The following DMD variants were observed in gnomAD, a reference collection of about 807,000 sequenced individuals.
The protein encoded by DMD is mutant dystrophin.
Under a neutral mutation model 330.1 loss-of-function variants are expected in DMD, and 63 were observed. The ratio of observed to expected loss-of-function variants is 0.19; its 90% CI spans 0.16 to 0.24. The LOEUF (loss-of-function observed/expected upper bound fraction) is 0.24. Among genes scored for constraint, DMD ranks in the 10% least tolerant of loss-of-function variants. The pLI is 1.00. For missense variants in DMD, 3,344 were observed against 2,684.1 expected, an observed-to-expected ratio of 1.25 and a Z score of -5.43; for synonymous variants, 1,223 against 959.8, an observed-to-expected ratio of 1.27 and a Z score of -5.07.
At chrX:32,416,150 T>A (rs1429316559) in intron 29 of DMD, among the ~76,000 whole-genome samples, 1 of 112,225 alleles carries the variant, frequency 8.9e-6, no homozygotes, top group Non-Finnish European at 1.9e-5. Context: ...ATTTAACATA[T>A]GAATGCATGC....
chrX:31,396,947 A>T (rs2060974957), intron 60 of DMD, among the ~76,000 whole-genome samples: 1 of 111,541 alleles, frequency 9.0e-6, no homozygotes, highest in Non-Finnish European at 1.9e-5. Context: ...AAAGGCAGGT[A>T]AGGCATCTTT....
chrX:31,588,567 C>T lies in DMD; in HGVS notation c.8217+39106G>A, dbSNP rs188497065. 4.1e-3 allele frequency among the ~76,000 whole-genome samples: 458 copies of T among 111,639 alleles called. 4 individuals are homozygous for T. The highest frequency in any genetic ancestry group is 6.3e-3 in the Admixed American group (66 of 10,452). On this transcript the variant is annotated intron_variant, in intron 55 of 78. Transcript: ENST00000357033. ...ACCACAATAAAGGGTTTGGGCTGTG[C>T]TTTCCTTTTCTGCCTGCTGACCGAC...
At chrX:33,078,472 C>A (rs1340631010) in intron 1 of DMD, among the ~76,000 whole-genome samples, 9 of 112,011 alleles carry the variant, frequency 8.0e-5, no homozygotes, top group Non-Finnish European at 9.4e-5. Flanking sequence ...AAATTTGCTC[C>A]AAAATTTGTC....
intron 53 of DMD, among the ~76,000 whole-genome samples, chrX:31,668,856 G>A (rs930765337): frequency 3.6e-5 from 4 of 111,756 alleles, no homozygotes; most frequent in Non-Finnish European, 7.5e-5. Context: ...GTGAGATCAC[G>A]CAGTATTTGA....
intron 55 of DMD, among the ~76,000 whole-genome samples, chrX:31,561,395 C>A (rs2075188599): frequency 9.0e-6 from 1 of 111,180 alleles, no homozygotes; most frequent in South Asian, 3.8e-4. Context: ...AGGGAGGTAT[C>A]CTGTTCATTG....
chrX:32,239,504 C>T (rs2124750), intron 43 of DMD, among the ~76,000 whole-genome samples: 39,117 of 110,777 alleles, frequency 0.35, 5,490 homozygotes, highest in African/African-American at 0.52. Flanking sequence ...TTTGTTATAA[C>T]TGACTTACAT....
intron 7 of DMD, among the ~76,000 whole-genome samples, chrX:32,778,255 A>AG (rs1296914820): frequency 9.1e-6 from 1 of 109,579 alleles, no homozygotes; most frequent in Non-Finnish European, 1.9e-5. Flanking sequence ...AAAAAAAAAA[A>AG]AAAAAATATG....
intron 2 of DMD, among the ~76,000 whole-genome samples, chrX:32,942,345 C>G (rs754830551): frequency 9.0e-6 from 1 of 111,715 alleles, no homozygotes; most frequent in Admixed American, 9.5e-5. Flanking sequence ...GAGTTTGAGA[C>G]CAGCCTGGCC....
intron 19 of DMD, among the ~76,000 whole-genome samples, chrX:32,501,421 T>C (rs989115742): frequency 3.6e-5 from 4 of 111,990 alleles, no homozygotes; most frequent in Non-Finnish European, 1.9e-5. Context: ...GTTTTACACA[T>C]ATAACATGAC....
chrX:31,560,764 TTAA>T (rs748296336), intron 55 of DMD, among the ~76,000 whole-genome samples: 2 of 107,449 alleles, frequency 1.9e-5, no homozygotes, highest in Non-Finnish European at 3.8e-5. Flanking sequence ...TTCCACTTAA[TTAA>T]TAGTAAATAT....
rs35702108 is a variant in DMD, at chrX:32,326,906, CAAA to C, written c.5922+15191_5922+15193del. On this transcript the variant is annotated intron_variant, in intron 41 of 78. Coordinates refer to ENST00000357033, the MANE Select transcript of DMD (RefSeq NM_004006.3). ...TGGGTGACAGGGTGAGAATCTGTCTCAAAAAAAAAAAAAAAGTATTTACCTAAC... is the reference window on the plus strand; with the variant it reads ...TGGGTGACAGGGTGAGAATCTGTCTCAAAAAAAAAAAAGTATTTACCTAAC... 4.2e-3 allele frequency among the ~76,000 whole-genome samples: 367 copies of C among 88,088 alleles called. 11 individuals are homozygous for C. The East Asian group carries it at 0.091, about 22-fold the overall frequency. 76.5% of individuals were successfully genotyped at this position (88,088 alleles called of 115,157 possible). A position where few individuals can be genotyped will look rare whatever the true frequency, so the allele number is the denominator to read the frequency against.
At position 32,468,563 on chromosome X, in the gene DMD, A is replaced by G; in HGVS notation, c.3097T>C (p.Ser1033Pro). 2 of 1,210,695 alleles carry G rather than the reference A, an allele frequency of 1.7e-6. No homozygotes were observed. The highest frequency in any genetic ancestry group is 2.2e-6 in the Non-Finnish European group (2 of 895,036). ...TGACAATGCTCAACCAGCTGGGAGGAGAGCTTCTTCCAGCGTCCCTCAATT... is the reference window on the plus strand; with the variant it reads ...TGACAATGCTCAACCAGCTGGGAGGGGAGCTTCTTCCAGCGTCCCTCAATT... ...EEIEGRWKKL[S>P]SQLVEHCQKL... Residue 1033 changes from serine (S) to proline (P), a missense_variant, in exon 23 of 79, where the codon TCC becomes CCC. By Grantham distance (74) the Ser-to-Pro change is moderately conservative. Coordinates refer to ENST00000357033, the MANE Select transcript of DMD (RefSeq NM_004006.3).
intron 1 of DMD, among the ~76,000 whole-genome samples, chrX:33,057,582 C>T (rs921285193): frequency 1.6e-4 from 18 of 111,981 alleles, no homozygotes; most frequent in Non-Finnish European, 3.2e-4. Flanking sequence ...TTTCTGTAAG[C>T]AAGTATCAAG....
chrX:32,633,114 A>T (rs1333389855), intron 11 of DMD, among the ~76,000 whole-genome samples: 1 of 112,195 alleles, frequency 8.9e-6, no homozygotes, highest in Non-Finnish European at 1.9e-5. Context: ...GTATCTCAGA[A>T]CTTAAAGTAC....
At chrX:31,625,272 G>A (rs904793822) in intron 55 of DMD, among the ~76,000 whole-genome samples, 3 of 111,911 alleles carry the variant, frequency 2.7e-5, no homozygotes, top group Admixed American at 9.5e-5. Flanking sequence ...TAGTTAAGAC[G>A]CAAATGTTGA....
chrX:31,431,820 CTT>C (rs2064112882), intron 60 of DMD, among the ~76,000 whole-genome samples: 3 of 110,403 alleles, frequency 2.7e-5, no homozygotes, highest in Admixed American at 9.6e-5. Flanking sequence ...CTCTCTCTCT[CTT>C]TCTTTCTTTT....
At chrX:32,079,008 T>C (rs2096372950) in intron 44 of DMD, among the ~76,000 whole-genome samples, 1 of 112,107 alleles carries the variant, frequency 8.9e-6, no homozygotes, top group Non-Finnish European at 1.9e-5. Flanking sequence ...TTCTTTGTTT[T>C]GTCATTTCTC....
rs189338338 is a variant in DMD at position 33,029,477 on chromosome X, G to A, written c.32-9277C>T. On this transcript the variant is annotated intron_variant, in intron 1 of 78. Transcript: ENST00000357033. ...CTGTTCCTTTGCCTCCACTGCAAAC[G>A]CCACTTCTTTCTCAGGTAGGTCAAT... Among the ~76,000 whole-genome samples the A allele has an allele frequency of 3.0e-4, 34 of 111,601 alleles. No homozygotes were observed. In the East Asian group the frequency reaches 7.1e-3, roughly 23 times the overall value.
At chrX:31,295,304 C>A (rs1041301115) in intron 62 of DMD, among the ~76,000 whole-genome samples, 2 of 111,048 alleles carry the variant, frequency 1.8e-5, no homozygotes, top group Non-Finnish European at 3.8e-5. Flanking sequence ...CGTAGGTTTG[C>A]TTTTAATATA....
Sources: gnomAD v4.1 joint callset for allele counts (sites outside exome capture counted in the v4.1 genomes callset) on GRCh38, gnomAD v4.1.1 for gene constraint, MANE v1.5 for transcripts, NCBI Gene and HGNC (gene_info 2026-07-23, HGNC 2026-07-21) for gene names.